Variants in JPH3 observed in about 807,000 individuals in gnomAD.
JPH3 encodes the protein junctophilin 3.
In JPH3, 11 loss-of-function variants were observed where a neutral mutation model predicts 59.6. The ratio of observed to expected loss-of-function variants is 0.18; its 90% CI spans 0.12 to 0.31. The LOEUF (loss-of-function observed/expected upper bound fraction) is 0.31. Among genes scored for constraint, JPH3 ranks in the 10% least tolerant of loss-of-function variants. The pLI is 1.00. For synonymous variants in JPH3, 673 were observed against 483.6 expected (o/e 1.39, Z -5.14); for missense variants, 1,202 against 1,105.7 (o/e 1.09, Z -1.24).
At chr16:87,663,177 C>T (rs1257982079) in intron 2 of JPH3, among the ~76,000 whole-genome samples, 1 of 149,388 alleles carries the variant, frequency 6.7e-6, no homozygotes, top group East Asian at 1.9e-4. Flanking sequence ...GGCACAATCT[C>T]GGCTCACTGC....
intron 1 of JPH3, among the ~76,000 whole-genome samples, chr16:87,606,812 T>C (rs1319903576): frequency 3.3e-5 from 5 of 152,212 alleles, no homozygotes; most frequent in African/African-American, 1.2e-4. Flanking sequence ...AGACTGGTGA[T>C]CATGTAAATG....
At chr16:87,619,372 G>T (rs9933014) in intron 1 of JPH3, among the ~76,000 whole-genome samples, 1 of 151,360 alleles carries the variant, frequency 6.6e-6, no homozygotes, top group Non-Finnish European at 1.5e-5. Flanking sequence ...TGACATTTTC[G>T]TAGGCTGTAG....
chr16:87,632,622 G>A (rs999710116), intron 1 of JPH3, among the ~76,000 whole-genome samples: 2 of 152,204 alleles, frequency 1.3e-5, no homozygotes, highest in Non-Finnish European at 1.5e-5. Context: ...GCTGGGTGCA[G>A]CGACTCACGC....
At chr16:87,659,732 CAA>C (rs112492214) in intron 2 of JPH3, among the ~76,000 whole-genome samples, 2 of 141,964 alleles carry the variant, frequency 1.4e-5, no homozygotes, top group Admixed American at 7.0e-5. Flanking sequence ...GACTCCATTT[CAA>C]AAAAAAAAAG....
chr16:87,656,710 G>C (rs116944185), intron 2 of JPH3, among the ~76,000 whole-genome samples: 1 of 152,168 alleles, frequency 6.6e-6, no homozygotes, highest in Admixed American at 6.5e-5. Context: ...GGGCCCCTAC[G>C]TGCCATGGGC....
At chr16:87,674,342 C>G (rs554156634) in intron 2 of JPH3, among the ~76,000 whole-genome samples, 1 of 149,270 alleles carries the variant, frequency 6.7e-6, no homozygotes, top group African/African-American at 2.5e-5. Context: ...CAAAAAAAAA[C>G]AAAAACAAAA....
At position 87,603,509 on chromosome 16, in the gene JPH3, C is replaced by T. The variant is rs766812036; in HGVS notation, c.363C>T (p.Thr121=). The change falls in exon 1 of 5, where the codon ACC becomes ACT. Residue 121 remains threonine, a synonymous_variant. Coordinates refer to ENST00000284262, the MANE Select transcript of JPH3 (RefSeq NM_020655.4). ...ACGGGCTGCAGGACGGCTACGGGAC[C>T]GAGACCTACTCGGACGGAGGTAGGT... The part of the protein sequence containing the change: ...WSNGLQDGYG[T]ETYSDGGTYQ... 21 of 1,550,438 alleles carry T rather than the reference C, an allele frequency of 1.4e-5. No homozygotes were observed. The East Asian group carries it at 3.9e-4, about 29-fold the overall frequency.
intron 2 of JPH3, among the ~76,000 whole-genome samples, chr16:87,678,890 G>A (rs553693312): frequency 6.6e-6 from 1 of 152,366 alleles, no homozygotes; most frequent in East Asian, 1.9e-4. Context: ...GCTGGAGAGA[G>A]GATGGATGGG....
chr16:87,677,672 G>C (rs377335149), intron 2 of JPH3, among the ~76,000 whole-genome samples: 10 of 152,198 alleles, frequency 6.6e-5, no homozygotes, highest in African/African-American at 2.4e-4. Flanking sequence ...GTGCTGTCCA[G>C]GGAGTCTGGA....
At chr16:87,633,678 A>G (rs1397212603) in intron 1 of JPH3, among the ~76,000 whole-genome samples, 2 of 152,082 alleles carry the variant, frequency 1.3e-5, no homozygotes, top group African/African-American at 4.8e-5. Context: ...GGGCGCCTGT[A>G]GTACCAGCTA....
rs771680407 is a variant in JPH3, at chr16:87,644,935, C to G, written c.1060C>G (p.Leu354Val). Residue 354 changes from leucine to valine, a missense_variant, in exon 2 of 5, where the codon CTG (leucine) becomes GTG (valine). By Grantham distance (32) the Leu-to-Val change is conservative (BLOSUM62 1). Transcript: ENST00000284262. ...CGGCAAGCGCAAGAACCTCATCCCCCTGCGGGCCAGCAAGATCCGCGAGAA... is the reference window on the plus strand; with the variant it reads ...CGGCAAGCGCAAGAACCTCATCCCCGTGCGGGCCAGCAAGATCCGCGAGAA... ...VGGKRKNLIP[L>V]RASKIREKVD... 6.2e-7 allele frequency: 1 copy of G among 1,612,480 alleles called. No homozygotes were observed. The highest frequency in any genetic ancestry group is 2.2e-5 in the East Asian group (1 of 44,848).
At chr16:87,634,228 G>A (rs184154175) in intron 1 of JPH3, among the ~76,000 whole-genome samples, 2 of 152,218 alleles carry the variant, frequency 1.3e-5, no homozygotes, top group Admixed American at 6.5e-5. Context: ...TCTGGTCCCT[G>A]ATCTGTGAGG....
rs143653705 is a variant in JPH3 at position 87,667,157 on chromosome 16, C to G, written c.1161-16985C>G. On this transcript the variant is annotated intron_variant, in intron 2 of 4. Coordinates refer to ENST00000284262, the MANE Select transcript of JPH3 (RefSeq NM_020655.4). Reference sequence around the variant, plus strand: ...CGTCACTTGTTGCTGCTGTCTCCCTCGTCACGTGGCCTCTCCTTCTCTGTC... The same window carrying G: ...CGTCACTTGTTGCTGCTGTCTCCCTGGTCACGTGGCCTCTCCTTCTCTGTC... 2.8e-4 allele frequency among the ~76,000 whole-genome samples: 42 copies of G among 152,324 alleles called. No homozygotes were observed. In the East Asian group the frequency reaches 6.6e-3, roughly 24 times the overall value.
chr16:87,690,186 G>A lies in JPH3; in HGVS notation c.1826G>A (p.Ser609Asn), dbSNP rs2033529438. The change falls in exon 4 of 5, where the codon AGC (serine) becomes AAC (asparagine). Residue 609 changes from serine to asparagine, a missense_variant. Ser to Asn is a conservative substitution (Grantham distance 46, BLOSUM62 1). Coordinates refer to ENST00000284262, the MANE Select transcript of JPH3 (RefSeq NM_020655.4). ...CTGGAGCTGCAGGAGGAGAAGCTGA[G>A]CAACTACCGGATGGAGATGAAACCC... Reference protein sequence around the residue: ...RLLELQEEKLSNYRMEMKPLL... With the variant: ...RLLELQEEKLNNYRMEMKPLL... The A allele has an allele frequency of 6.2e-7, 1 of 1,601,562 alleles. No homozygotes were observed. The highest frequency in any genetic ancestry group is 1.3e-5 in the African/African-American group (1 of 74,706).
chr16:87,633,124 C>G (rs1023451587), intron 1 of JPH3, among the ~76,000 whole-genome samples: 2 of 152,176 alleles, frequency 1.3e-5, no homozygotes, highest in Non-Finnish European at 1.5e-5. Flanking sequence ...ATACCACAGA[C>G]AGCATGGCTT....
At chr16:87,688,170 A>G (rs924050094) in intron 3 of JPH3, among the ~76,000 whole-genome samples, 3 of 152,016 alleles carry the variant, frequency 2.0e-5, no homozygotes, top group African/African-American at 7.3e-5. Context: ...ACAGAGAAGC[A>G]GTCATTGAGA....
intron 2 of JPH3, among the ~76,000 whole-genome samples, chr16:87,679,089 G>A (rs1000400628): frequency 2.0e-5 from 3 of 152,212 alleles, no homozygotes; most frequent in African/African-American, 7.2e-5. Context: ...GCGCAGACCT[G>A]GGCAGTGGGG....
intron 2 of JPH3, among the ~76,000 whole-genome samples, chr16:87,664,303 G>C (rs952528416): frequency 7.2e-6 from 1 of 139,000 alleles, no homozygotes; most frequent in African/African-American, 2.8e-5. Context: ...TGCACCTCCA[G>C]CCTGGGCGAC....
At chr16:87,609,734 C>A (rs1031666002) in intron 1 of JPH3, among the ~76,000 whole-genome samples, 1 of 152,166 alleles carries the variant, frequency 6.6e-6, no homozygotes, top group Non-Finnish European at 1.5e-5. Flanking sequence ...ACTGTTTCAC[C>A]ACCATTCTCT....
Sources: gnomAD v4.1 joint callset for allele counts (sites outside exome capture counted in the v4.1 genomes callset) on GRCh38, gnomAD v4.1.1 for gene constraint, MANE v1.5 for transcripts, NCBI Gene and HGNC (gene_info 2026-07-23, HGNC 2026-07-21) for gene names.